PDE4D: variants seen among roughly 807,000 people sequenced by gnomAD.
PDE4D encodes 3',5'-cyclic-AMP phosphodiesterase 4D.
PDE4D carries 24 observed loss-of-function variants against 87.4 expected under a neutral mutation model. The observed-to-expected ratio is 0.27, with a 90% CI of 0.20 to 0.39. The LOEUF is 0.39. Ranked by LOEUF, PDE4D falls within the 10% of genes least tolerant of loss-of-function variation. PDE4D has a pLI of 1.00. For missense variants in PDE4D, 714 were observed against 1,041.0 expected, an observed-to-expected ratio of 0.69 and a Z score of 4.32; for synonymous variants, 384 against 383.2, an observed-to-expected ratio of 1.00 and a Z score of -0.02.
intron 1 of PDE4D, among the ~76,000 whole-genome samples, chr5:59,309,429 G>A (rs1162464296): frequency 6.6e-6 from 1 of 152,176 alleles, no homozygotes; most frequent in Non-Finnish European, 1.5e-5. Context: ...AGCTTCCAGG[G>A]CCTTTCTGCT....
chr5:60,425,253 T>C (rs1743587180), intron 1 of PDE4D, among the ~76,000 whole-genome samples: 2 of 152,198 alleles, frequency 1.3e-5, no homozygotes, highest in Admixed American at 1.3e-4. Flanking sequence ...AGAAGAAAGC[T>C]GGAAGCATCA....
chr5:59,640,462 T>C (rs1379985202), intron 1 of PDE4D, among the ~76,000 whole-genome samples: 3 of 152,218 alleles, frequency 2.0e-5, no homozygotes, highest in Non-Finnish European at 2.9e-5. Context: ...ATTAAAAATT[T>C]ATCTCATTCT....
At chr5:59,476,728 A>G (rs1187964500) in intron 1 of PDE4D, among the ~76,000 whole-genome samples, 1 of 152,054 alleles carries the variant, frequency 6.6e-6, no homozygotes, top group Non-Finnish European at 1.5e-5. Context: ...ACTGCATTGC[A>G]TGTGGTCAAA....
chr5:59,853,176 C>T (rs1377649798), intron 1 of PDE4D, among the ~76,000 whole-genome samples: 2 of 152,016 alleles, frequency 1.3e-5, no homozygotes, highest in African/African-American at 2.4e-5. Flanking sequence ...TGAAGGACTC[C>T]TCTGTACTGT....
intron 3 of PDE4D, among the ~76,000 whole-genome samples, chr5:59,937,821 G>T (rs1207224689): frequency 6.6e-6 from 1 of 152,192 alleles, no homozygotes; most frequent in Non-Finnish European, 1.5e-5. Flanking sequence ...AGTGGTGAAT[G>T]ATGGAGTTTC....
At chr5:60,120,769 G>A (rs1432970436) in intron 2 of PDE4D, among the ~76,000 whole-genome samples, 1 of 152,094 alleles carries the variant, frequency 6.6e-6, no homozygotes, top group Non-Finnish European at 1.5e-5. Context: ...TGCAGCAACG[G>A]TTGGGTTGCC....
chr5:60,067,904 C>T (rs760880126), intron 2 of PDE4D, among the ~76,000 whole-genome samples: 1 of 152,086 alleles, frequency 6.6e-6, no homozygotes, highest in Non-Finnish European at 1.5e-5. Flanking sequence ...GGCAATAGTT[C>T]CTGCTTTTTT....
At chr5:59,272,329 G>T (rs1411771140) in intron 1 of PDE4D, among the ~76,000 whole-genome samples, 1 of 151,970 alleles carries the variant, frequency 6.6e-6, no homozygotes, top group Non-Finnish European at 1.5e-5. Flanking sequence ...CCTGGGAAAT[G>T]TTTATAAATG....
At chr5:60,469,767 G>A (rs1747676096) in intron 1 of PDE4D, among the ~76,000 whole-genome samples, 2 of 152,216 alleles carry the variant, frequency 1.3e-5, no homozygotes, top group South Asian at 2.1e-4. Flanking sequence ...ATATAGGACG[G>A]CGAACTTAAT....
At chr5:60,050,030 T>C (rs1164688628) in intron 2 of PDE4D, among the ~76,000 whole-genome samples, 1 of 152,180 alleles carries the variant, frequency 6.6e-6, no homozygotes. Context: ...TCTGTTGGCG[T>C]AGGACCCTCC....
intron 1 of PDE4D, among the ~76,000 whole-genome samples, chr5:59,455,380 C>T (rs1283962952): frequency 2.0e-5 from 3 of 152,222 alleles, no homozygotes; most frequent in Non-Finnish European, 2.9e-5. Context: ...TCAGAGGGTG[C>T]AAACCCCAAG....
intron 1 of PDE4D, among the ~76,000 whole-genome samples, chr5:60,503,496 G>T (rs185294332): frequency 6.6e-6 from 1 of 151,950 alleles, no homozygotes; most frequent in East Asian, 1.9e-4. Context: ...CATTCCTTTG[G>T]TATTCCTTGC....
chr5:60,496,677 T>C (rs562740519), intron 1 of PDE4D, among the ~76,000 whole-genome samples: 2 of 152,330 alleles, frequency 1.3e-5, no homozygotes, highest in Admixed American at 1.3e-4. Context: ...CAACAACCTC[T>C]AAGAGTTTGG....
chr5:59,334,377 G>C (rs1777295045), intron 1 of PDE4D, among the ~76,000 whole-genome samples: 2 of 148,524 alleles, frequency 1.3e-5, no homozygotes, highest in East Asian at 4.1e-4. Context: ...TCCTGCCTCA[G>C]CCTCCCTAGT....
chr5:59,494,673 T>G (rs185818842), intron 1 of PDE4D, among the ~76,000 whole-genome samples: 2 of 152,214 alleles, frequency 1.3e-5, no homozygotes, highest in Non-Finnish European at 2.9e-5. Context: ...TTTAAACTAC[T>G]ATTAACTATC....
intron 1 of PDE4D, among the ~76,000 whole-genome samples, chr5:59,825,344 A>G (rs1246838660): frequency 6.6e-6 from 1 of 152,224 alleles, no homozygotes; most frequent in Non-Finnish European, 1.5e-5. Flanking sequence ...GCCTTCTCAT[A>G]GCACTCATAG....
chr5:59,298,781 A>G (rs929074093), intron 1 of PDE4D, among the ~76,000 whole-genome samples: 3 of 152,216 alleles, frequency 2.0e-5, no homozygotes, highest in Non-Finnish European at 4.4e-5. Flanking sequence ...ACTTGTAAAA[A>G]AAATTTAAAT....
intron 1 of PDE4D, among the ~76,000 whole-genome samples, chr5:59,428,165 T>A (rs1279574203): frequency 1.3e-5 from 2 of 152,188 alleles, no homozygotes; most frequent in Admixed American, 1.3e-4. Flanking sequence ...TTGGGAATTA[T>A]TTCCCTGTTT....
At chr5:59,232,657 TC>T (rs1408249920) in intron 1 of PDE4D, among the ~76,000 whole-genome samples, 1 of 151,840 alleles carries the variant, frequency 6.6e-6, no homozygotes, top group Non-Finnish European at 1.5e-5. Flanking sequence ...AATCCAGCAA[TC>T]CCCCTACTGG....
Sources: gnomAD v4.1 joint callset for allele counts (sites outside exome capture counted in the v4.1 genomes callset) on GRCh38, gnomAD v4.1.1 for gene constraint, MANE v1.5 for transcripts, NCBI Gene and HGNC (gene_info 2026-07-23, HGNC 2026-07-21) for gene names.